The following KALRN variants were observed in gnomAD, a reference collection of about 807,000 sequenced individuals.
KALRN encodes the protein kalirin.
In KALRN, 70 loss-of-function variants were observed where a neutral mutation model predicts 353.7. The ratio of observed to expected loss-of-function variants is 0.20; its 90% CI spans 0.16 to 0.24. The LOEUF is 0.24. Ranked by LOEUF, KALRN falls within the 10% of genes least tolerant of loss-of-function variation. The probability of loss-of-function intolerance (pLI) is 1.00; values close to 1 mark genes in which losing one functional copy is unlikely to be tolerated. For synonymous variants in KALRN, 1,391 were observed against 1,434.8 expected, an observed-to-expected ratio of 0.97 and a Z score of 0.69; for missense variants, 2,791 against 3,756.7, an observed-to-expected ratio of 0.74 and a Z score of 6.72.
At chr3:124,189,000 C>T (rs1340361989) in intron 1 of KALRN, among the ~76,000 whole-genome samples, 1 of 152,152 alleles carries the variant, frequency 6.6e-6, no homozygotes, top group Non-Finnish European at 1.5e-5. Context: ...TGTCCTGGGG[C>T]GGAGGCATTA....
intron 1 of KALRN, among the ~76,000 whole-genome samples, chr3:124,130,479 T>G (rs1471067036): frequency 6.6e-6 from 1 of 152,172 alleles, no homozygotes; most frequent in Admixed American, 6.6e-5. Flanking sequence ...AAATGACTAT[T>G]TACCAATAAT....
At chr3:124,268,637 G>T in intron 4 of KALRN, 106 bp from the exon 5 acceptor site, 1 of 1,195,826 alleles carries the variant, frequency 8.4e-7, no homozygotes. Context: ...GAGGCAGGCT[G>T]TGGTCATTAT....
chr3:124,283,916 C>T (rs2075587678), intron 5 of KALRN, among the ~76,000 whole-genome samples: 1 of 152,112 alleles, frequency 6.6e-6, no homozygotes, highest in African/African-American at 2.4e-5. Flanking sequence ...TTGTCTGAAC[C>T]CAGAGGAAGT....
intron 10 of KALRN, among the ~76,000 whole-genome samples, chr3:124,375,321 T>C (rs889629096): frequency 6.6e-6 from 1 of 152,218 alleles, no homozygotes; most frequent in African/African-American, 2.4e-5. Context: ...CTATCTTTGC[T>C]GTCTATTGTT....
chr3:124,692,931 A>G (rs1578983299), intron 51 of KALRN, among the ~76,000 whole-genome samples: 2 of 152,182 alleles, frequency 1.3e-5, no homozygotes, highest in African/African-American at 4.8e-5. Context: ...ATGGGGGGAA[A>G]AGTGACCATC....
intron 8 of KALRN, 34 bp downstream of exon 8, chr3:124,330,026 G>T (rs1172632919): frequency 3.1e-6 from 5 of 1,606,880 alleles, no homozygotes; most frequent in Non-Finnish European, 4.3e-6. Flanking sequence ...TGGTTCTTGG[G>T]CATGTCTGCA....
At chr3:124,490,969 T>C in intron 30 of KALRN, 85 bp downstream of exon 30, 1 of 1,268,006 alleles carries the variant, frequency 7.9e-7, no homozygotes, top group Non-Finnish European at 1.1e-6. Context: ...ACTCATCTCA[T>C]CTCCTCCCCG....
chr3:124,375,086 A>G (rs953981232), intron 10 of KALRN, among the ~76,000 whole-genome samples: 10 of 152,140 alleles, frequency 6.6e-5, no homozygotes, highest in African/African-American at 2.4e-4. Context: ...TTGTTTTGCC[A>G]TTTCCAATAG....
At chr3:124,420,464 G>A (rs1696312317) in intron 14 of KALRN, among the ~76,000 whole-genome samples, 1 of 152,182 alleles carries the variant, frequency 6.6e-6, no homozygotes, top group Admixed American at 6.5e-5. Flanking sequence ...AAAGATAAGG[G>A]TCAGGGGTCA....
intron 1 of KALRN, among the ~76,000 whole-genome samples, chr3:124,035,316 C>G (rs1231250200): frequency 6.6e-6 from 1 of 152,018 alleles, no homozygotes; most frequent in Non-Finnish European, 1.5e-5. Context: ...GTTCTGGGGG[C>G]TAAGTGATAT....
chr3:124,391,836 G>T (rs2089436769), intron 11 of KALRN, among the ~76,000 whole-genome samples: 1 of 152,030 alleles, frequency 6.6e-6, no homozygotes, highest in African/African-American at 2.4e-5. Flanking sequence ...TTTTCTTTTA[G>T]AACTATCAAG....
chr3:124,542,945 T>A (rs1262943470), intron 33 of KALRN, among the ~76,000 whole-genome samples: 1 of 152,160 alleles, frequency 6.6e-6, no homozygotes, highest in Admixed American at 6.5e-5. Context: ...AGTCAAGGTG[T>A]TGCTTGGAGC....
intron 10 of KALRN, among the ~76,000 whole-genome samples, chr3:124,347,870 C>G (rs2082437189): frequency 6.6e-6 from 1 of 152,196 alleles, no homozygotes; most frequent in Non-Finnish European, 1.5e-5. Flanking sequence ...AATGTTCAGT[C>G]TTTTAGCTGA....
chr3:124,266,770 T>A (rs1025704356), intron 4 of KALRN, among the ~76,000 whole-genome samples: 2 of 152,332 alleles, frequency 1.3e-5, no homozygotes, highest in East Asian at 3.9e-4. Flanking sequence ...ACAAGAAATT[T>A]GGCTTGGTAT....
intron 10 of KALRN, among the ~76,000 whole-genome samples, chr3:124,369,278 T>C (rs1450522513): frequency 6.6e-6 from 1 of 152,246 alleles, no homozygotes; most frequent in East Asian, 1.9e-4. Context: ...AATCCTTATC[T>C]TTCCCTTTTA....
chr3:124,520,744 G>C (rs1422318605), intron 33 of KALRN, among the ~76,000 whole-genome samples: 1 of 152,168 alleles, frequency 6.6e-6, no homozygotes, highest in South Asian at 2.1e-4. Flanking sequence ...AAAAGGAAGG[G>C]GAGGCAGAAC....
At chr3:124,190,200 G>A (rs1322687593) in intron 1 of KALRN, among the ~76,000 whole-genome samples, 2 of 152,140 alleles carry the variant, frequency 1.3e-5, no homozygotes, top group Non-Finnish European at 2.9e-5. Context: ...AGGACATTCG[G>A]ATAGGCAAAG....
At chr3:124,404,153 GAAAAAAAAAAA>G (rs66603520) in intron 13 of KALRN, among the ~76,000 whole-genome samples, 2 of 123,600 alleles carry the variant, frequency 1.6e-5, no homozygotes, top group Non-Finnish European at 3.2e-5. Flanking sequence ...CTGCTCTCTG[GAAAAAAAAAAA>G]AAAAAGAGAG....
chr3:124,330,270 A>T lies in KALRN; in HGVS notation c.1416+278A>T, dbSNP rs2080396662. Among the ~76,000 whole-genome samples the T allele has an allele frequency of 2.0e-5, 3 of 151,526 alleles. No individual in the cohort carries two copies. In the South Asian group the frequency reaches 6.3e-4, roughly 32 times the overall value. On this transcript the variant is annotated intron_variant, in intron 8 of 59. Transcript: ENST00000682506. ...CTCACACACACACACACACACACAC[A>T]CACACACACACACACACCCCATACA... is the stretch of plus-strand genomic sequence containing the variant.
Sources: gnomAD v4.1 joint callset for allele counts (sites outside exome capture counted in the v4.1 genomes callset) on GRCh38, gnomAD v4.1.1 for gene constraint, MANE v1.5 for transcripts, NCBI Gene and HGNC (gene_info 2026-07-23, HGNC 2026-07-21) for gene names.